RCL1: variants seen among roughly 807,000 people sequenced by gnomAD.
RCL1 encodes the protein RNA 3'-terminal phosphate cyclase-like protein.
Under a neutral mutation model 42.4 loss-of-function variants are expected in RCL1, and 24 were observed. That is an observed-to-expected ratio of 0.57 (90% confidence interval 0.41 to 0.80). The LOEUF (loss-of-function observed/expected upper bound fraction) is 0.80. Ranked by LOEUF, RCL1 falls within the 30% of genes least tolerant of loss-of-function variation. The pLI is 0.00. For synonymous variants in RCL1, 228 were observed against 177.3 expected, an observed-to-expected ratio of 1.29 and a Z score of -2.27; for missense variants, 578 against 467.9, an observed-to-expected ratio of 1.24 and a Z score of -2.17.
Position 4,834,192 on chromosome 9 carries a change from T to C in RCL1, c.511T>C (p.Cys171Arg). The C allele has an allele frequency of 6.2e-7, 1 of 1,613,780 alleles. No individual in the cohort carries two copies. Among genetic ancestry groups the C allele is most frequent in the Non-Finnish European group, 8.5e-7 (1 of 1,179,768 alleles). The change falls in exon 5 of 9, where the codon TGT (cysteine) becomes CGT (arginine). Residue 171 changes from cysteine (C) to arginine (R), a missense_variant. By Grantham distance (180) the Cys-to-Arg change is radical (BLOSUM62 -3). Coordinates refer to ENST00000381750, the MANE Select transcript of RCL1 (RefSeq NM_005772.5). Reference protein sequence around the residue: ...PGGGGEVVFSCPVRKVLKPIQ... With the variant: ...PGGGGEVVFSRPVRKVLKPIQ... ...AGGAGGAGGCGAAGTGGTTTTCTCA[T>C]GTCCTGTGAGGAAGGTCTTGAAGCC...
At chr9:4,850,411 G>C in intron 8 of RCL1, 1 of 500,600 alleles carries the variant, frequency 2.0e-6, no homozygotes, top group Middle Eastern at 3.8e-4. Flanking sequence ...GACTGCGGTG[G>C]GGCTATGCAC....
chr9:4,823,649 C>T (rs1816665349), intron 2 of RCL1, 30 bp downstream of exon 2: 3 of 1,455,940 alleles, frequency 2.1e-6, no homozygotes, highest in Admixed American at 1.9e-5. Context: ...CTAAAAGCAC[C>T]TCCATGCACT....
intron 1 of RCL1, among the ~76,000 whole-genome samples, chr9:4,801,056 T>C (rs1287277939): frequency 6.6e-6 from 1 of 152,248 alleles, no homozygotes; most frequent in Non-Finnish European, 1.5e-5. Context: ...CTGATAGGTA[T>C]GTAGTGATGC....
chr9:4,808,562 G>C (rs1032977604), intron 1 of RCL1, among the ~76,000 whole-genome samples: 1 of 152,196 alleles, frequency 6.6e-6, no homozygotes, highest in Non-Finnish European at 1.5e-5. Context: ...ACCTGCCTCG[G>C]CCTCCCAGTG....
chr9:4,809,932 T>C (rs1816112271), intron 1 of RCL1, among the ~76,000 whole-genome samples: 1 of 152,172 alleles, frequency 6.6e-6, no homozygotes, highest in African/African-American at 2.4e-5. Flanking sequence ...TTCTTGTGCC[T>C]CAGCCTCCCA....
At chr9:4,844,301 C>G (rs1817434967) in intron 6 of RCL1, among the ~76,000 whole-genome samples, 1 of 152,102 alleles carries the variant, frequency 6.6e-6, no homozygotes, top group Non-Finnish European at 1.5e-5. Flanking sequence ...TAGAATTGAG[C>G]TGTCAAATCT....
intron 1 of RCL1, among the ~76,000 whole-genome samples, chr9:4,813,220 A>T (rs1816242892): frequency 1.3e-5 from 2 of 152,220 alleles, no homozygotes; most frequent in East Asian, 1.9e-4. Context: ...TCTGCACAGC[A>T]AAAGAAACTA....
chr9:4,827,200 C>A, intron 3 of RCL1, 167 bp downstream of exon 3: 1 of 1,538,396 alleles, frequency 6.5e-7, no homozygotes, highest in Non-Finnish European at 8.8e-7. Flanking sequence ...GCAGATGAAC[C>A]AAAACTTAGG....
chr9:4,808,362 C>T (rs768051033), intron 1 of RCL1, among the ~76,000 whole-genome samples: 1 of 151,996 alleles, frequency 6.6e-6, no homozygotes, highest in Non-Finnish European at 1.5e-5. Flanking sequence ...AGCTGGAGTG[C>T]AGTGGTGTGA....
chr9:4,797,628 A>C (rs969393323), intron 1 of RCL1, among the ~76,000 whole-genome samples: 1 of 152,206 alleles, frequency 6.6e-6, no homozygotes, highest in Non-Finnish European at 1.5e-5. Flanking sequence ...AGAATTATCC[A>C]TTCAAAATGT....
Position 4,823,638 on chromosome 9 carries a change from C to T in RCL1, c.208+19C>T. On this transcript the variant is annotated intron_variant, in intron 2 of 8. Transcript: ENST00000381750. ...CAAACAGGTAAGCTCCTTTTAGATT[C>T]CTAAAAGCACCTCCATGCACTAAAG... 6.5e-7 allele frequency: 1 copy of T among 1,547,114 alleles called. No homozygotes were observed. Among genetic ancestry groups the T allele is most frequent in the Non-Finnish European group, 8.9e-7 (1 of 1,126,924 alleles).
At chr9:4,810,687 G>C (rs550870484) in intron 1 of RCL1, among the ~76,000 whole-genome samples, 11 of 152,242 alleles carry the variant, frequency 7.2e-5, no homozygotes, top group African/African-American at 2.6e-4. Context: ...ATGCTGGATC[G>C]TAGGGTGTGC....
At chr9:4,806,048 G>T (rs201198731) in intron 1 of RCL1, among the ~76,000 whole-genome samples, 19 of 126,834 alleles carry the variant, frequency 1.5e-4, no homozygotes, top group Non-Finnish European at 3.0e-4. Context: ...GTGTGTGTTT[G>T]TGTGTGTGTG....
chr9:4,815,150 C>T (rs1002100072), intron 1 of RCL1, among the ~76,000 whole-genome samples: 1 of 152,134 alleles, frequency 6.6e-6, no homozygotes, highest in Non-Finnish European at 1.5e-5. Context: ...TCTGTATGTT[C>T]ATACCTCTTA....
chr9:4,819,903 A>C (rs561748379), intron 1 of RCL1, among the ~76,000 whole-genome samples: 1 of 152,328 alleles, frequency 6.6e-6, no homozygotes, highest in African/African-American at 2.4e-5. Context: ...AATTTGTACA[A>C]ATAAAAAAAT....
intron 8 of RCL1, among the ~76,000 whole-genome samples, chr9:4,855,385 C>G (rs899921967): frequency 1.3e-5 from 2 of 151,696 alleles, no homozygotes. Context: ...GGGTGTGTGG[C>G]TGTGTGGTTG....
chr9:4,860,127 T>TA lies in RCL1; in HGVS notation c.975dup (p.Glu326ArgfsTer15). The TA allele has an allele frequency of 6.4e-7, 1 of 1,572,610 alleles. No homozygotes were observed. Among genetic ancestry groups the TA allele is most frequent in the Non-Finnish European group, 8.6e-7 (1 of 1,162,608 alleles). The stretch of plus-strand genomic sequence containing the variant: ...TTATTTATTTTTTTCCTTTTTAGGA[T>TA]AGAATTTTTGCGGCATTTGAAGAGC... On this transcript the variant is annotated frameshift_variant, in exon 9 of 9. Transcript: ENST00000381750. LOFTEE classifies it high-confidence loss of function.
At chr9:4,800,524 T>C (rs1021993093) in intron 1 of RCL1, among the ~76,000 whole-genome samples, 2 of 151,784 alleles carry the variant, frequency 1.3e-5, no homozygotes, top group Non-Finnish European at 2.9e-5. Context: ...CAGGTTTTTT[T>C]ATTTTTTTAT....
chr9:4,843,134 C>G (rs931901034), intron 6 of RCL1, among the ~76,000 whole-genome samples: 5 of 152,110 alleles, frequency 3.3e-5, no homozygotes, highest in Admixed American at 1.3e-4. Flanking sequence ...TTTTAAATCT[C>G]CAGTTACAGA....
Sources: allele counts gnomAD v4.1 joint callset (sites outside exome capture counted in the v4.1 genomes callset), GRCh38; gene constraint gnomAD v4.1.1; transcripts MANE v1.5; gene names NCBI Gene and HGNC (gene_info 2026-07-23, HGNC 2026-07-21).